The following BMPR1B variants were observed in gnomAD, a reference collection of about 807,000 sequenced individuals.
BMPR1B encodes bone morphogenetic protein receptor type-1B.
Under a neutral mutation model 59.1 loss-of-function variants are expected in BMPR1B, and 12 were observed. That is an observed-to-expected ratio of 0.20 (90% confidence interval 0.13 to 0.33). BMPR1B has a LOEUF of 0.33. BMPR1B is among the 10% of genes least tolerant of loss of function. The probability of loss-of-function intolerance (pLI) is 1.00; values close to 1 mark genes in which losing one functional copy is unlikely to be tolerated. For synonymous variants in BMPR1B, 237 were observed against 207.3 expected, an observed-to-expected ratio of 1.14 and a Z score of -1.23; for missense variants, 550 against 610.9, an observed-to-expected ratio of 0.90 and a Z score of 1.05.
chr4:95,128,449 C>A (rs1374856810), intron 8 of BMPR1B, among the ~76,000 whole-genome samples: 3 of 152,272 alleles, frequency 2.0e-5, no homozygotes, highest in African/African-American at 7.2e-5. Context: ...ATGCTTAGCC[C>A]TTTCAATCTT....
intron 1 of BMPR1B, among the ~76,000 whole-genome samples, chr4:94,803,923 G>T (rs1223114656): frequency 6.6e-6 from 1 of 151,986 alleles, no homozygotes; most frequent in Non-Finnish European, 1.5e-5. Flanking sequence ...CTGTTGCCTA[G>T]GCTGGAGTGC....
intron 2 of BMPR1B, among the ~76,000 whole-genome samples, chr4:94,978,897 G>A (rs1731128084): frequency 6.6e-6 from 1 of 151,328 alleles, no homozygotes; most frequent in East Asian, 1.9e-4. Flanking sequence ...GGGGAAGGAG[G>A]AGCAAAGGCA....
At chr4:95,126,977 C>T (rs1560674470) in intron 8 of BMPR1B, among the ~76,000 whole-genome samples, 1 of 151,254 alleles carries the variant, frequency 6.6e-6, no homozygotes, top group Non-Finnish European at 1.5e-5. Flanking sequence ...TTTTCTTTTT[C>T]ATAAAATGTC....
At chr4:94,986,410 G>A (rs536602081) in intron 2 of BMPR1B, among the ~76,000 whole-genome samples, 1 of 152,110 alleles carries the variant, frequency 6.6e-6, no homozygotes, top group Non-Finnish European at 1.5e-5. Context: ...TCTCATGAAC[G>A]TAAAGTTTTC....
intron 2 of BMPR1B, among the ~76,000 whole-genome samples, chr4:94,938,126 G>C (rs897324912): frequency 6.6e-6 from 1 of 152,166 alleles, no homozygotes; most frequent in African/African-American, 2.4e-5. Context: ...TCATGGCCAT[G>C]TTGTTCCCTG....
intron 10 of BMPR1B, among the ~76,000 whole-genome samples, chr4:95,142,904 A>C (rs548759472): frequency 6.6e-6 from 1 of 151,956 alleles, no homozygotes; most frequent in African/African-American, 2.4e-5. Context: ...AAAACATTTA[A>C]TATATTATGA....
intron 3 of BMPR1B, among the ~76,000 whole-genome samples, chr4:95,101,527 C>T (rs1730818509): frequency 6.6e-6 from 1 of 151,986 alleles, no homozygotes; most frequent in Non-Finnish European, 1.5e-5. Context: ...TTAGAAGTAC[C>T]TTTGATACCG....
chr4:95,047,348 A>G (rs1726130774), intron 3 of BMPR1B, among the ~76,000 whole-genome samples: 1 of 152,176 alleles, frequency 6.6e-6, no homozygotes. Context: ...GTTGGTTTTT[A>G]ACTCTTTTTT....
chr4:94,857,552 C>T (rs940012649), intron 1 of BMPR1B, among the ~76,000 whole-genome samples: 7 of 152,004 alleles, frequency 4.6e-5, no homozygotes, highest in South Asian at 2.1e-4. Context: ...AATATCCTTC[C>T]GATATAATGT....
intron 2 of BMPR1B, among the ~76,000 whole-genome samples, chr4:94,979,455 C>A (rs971605784): frequency 1.3e-5 from 2 of 152,126 alleles, no homozygotes; most frequent in Non-Finnish European, 2.9e-5. Context: ...TCTGGCAAAG[C>A]CAAAATTATG....
intron 2 of BMPR1B, among the ~76,000 whole-genome samples, chr4:94,889,084 A>G (rs1454893859): frequency 6.6e-6 from 1 of 152,036 alleles, no homozygotes; most frequent in Non-Finnish European, 1.5e-5. Context: ...TATAATAAAG[A>G]GGAATAGGAT....
intron 2 of BMPR1B, among the ~76,000 whole-genome samples, chr4:94,912,919 A>G (rs1728341278): frequency 6.6e-6 from 1 of 152,198 alleles, no homozygotes; most frequent in East Asian, 1.9e-4. Flanking sequence ...TCTTTCATGT[A>G]CACCATTCTG....
Position 95,013,037 on chromosome 4 carries a change from TA to T in BMPR1B, c.-18+16904del, listed in dbSNP as rs1440356745. 3.3e-5 allele frequency among the ~76,000 whole-genome samples: 5 copies of T among 152,058 alleles called. No individual in the cohort carries two copies. The East Asian group carries it at 5.8e-4, about 18-fold the overall frequency. On this transcript the variant is annotated intron_variant, in intron 3 of 12. Transcript: ENST00000515059. ...AAGCAAAATTTTTAAAGGGGCAATT[TA>T]TTTTTTTTAATGTTTTGTCTTATGT...
At chr4:95,079,283 C>T (rs951185145) in intron 3 of BMPR1B, among the ~76,000 whole-genome samples, 96 of 152,232 alleles carry the variant, frequency 6.3e-4, no homozygotes, top group African/African-American at 2.2e-3. Flanking sequence ...TCCATGAGGC[C>T]TTCACAATAG....
intron 2 of BMPR1B, among the ~76,000 whole-genome samples, chr4:94,967,208 T>G (rs553364944): frequency 2.0e-5 from 3 of 152,296 alleles, no homozygotes; most frequent in African/African-American, 7.2e-5. Context: ...TGTAAACCTT[T>G]TGTGCACTCT....
rs1287357748 is a variant in BMPR1B, at chr4:95,093,316, G to A, written c.-17-11092G>A. On this transcript the variant is annotated intron_variant, in intron 3 of 12. Coordinates refer to ENST00000515059, the MANE Select transcript of BMPR1B (RefSeq NM_001203.3). ...TGATTGAGTTTCTCTAAATTCAAAA[G>A]CAGAGTAAAACCTAAGGGAAAGGCT... 2.6e-5 allele frequency among the ~76,000 whole-genome samples: 4 copies of A among 152,016 alleles called. No homozygotes were observed. In the East Asian group the frequency reaches 7.7e-4, roughly 29 times the overall value.
intron 3 of BMPR1B, among the ~76,000 whole-genome samples, chr4:95,031,710 A>G (rs1331209418): frequency 6.6e-6 from 1 of 152,118 alleles, no homozygotes; most frequent in Non-Finnish European, 1.5e-5. Flanking sequence ...ATTCACCAGT[A>G]TGGATTATGG....
chr4:95,103,281 G>T (rs1041803035), intron 3 of BMPR1B: 6 of 168,274 alleles, frequency 3.6e-5, no homozygotes, highest in Non-Finnish European at 6.0e-5. Flanking sequence ...TTACCTGCAG[G>T]CCTTCATTTT....
intron 12 of BMPR1B, among the ~76,000 whole-genome samples, chr4:95,153,615 G>A (rs12506402): frequency 0.46 from 69,533 of 152,048 alleles, 17,526 homozygotes; most frequent in Admixed American, 0.59. Flanking sequence ...TTGGCAGGCC[G>A]AGGCGGGTGG....
Sources: gnomAD v4.1 joint callset for allele counts (sites outside exome capture counted in the v4.1 genomes callset) on GRCh38, gnomAD v4.1.1 for gene constraint, MANE v1.5 for transcripts, NCBI Gene and HGNC (gene_info 2026-07-23, HGNC 2026-07-21) for gene names.